The following DCC variants were observed in gnomAD, a reference collection of about 807,000 sequenced individuals.
DCC encodes DCC netrin 1 receptor, also known as netrin receptor DCC.
A neutral mutation model predicts 172.5 loss-of-function variants in DCC; 58 were observed. That is an observed-to-expected ratio of 0.34 (90% CI 0.27 to 0.42). DCC has a LOEUF of 0.42. Among genes scored for constraint, DCC ranks in the 10% least tolerant of loss-of-function variants. DCC has a pLI of 1.00. For synonymous variants in DCC, 709 were observed against 644.5 expected (o/e 1.10, Z -1.52); for missense variants, 1,740 against 1,791.0 (o/e 0.97, Z 0.51).
At chr18:53,504,374 G>T (rs531070787) in intron 27 of DCC, among the ~76,000 whole-genome samples, 1 of 152,278 alleles carries the variant, frequency 6.6e-6, no homozygotes, top group South Asian at 2.1e-4. Context: ...TTAAAGGCCA[G>T]TCAGATAGAA....
At chr18:53,253,089 CATAA>C (rs964763647) in intron 12 of DCC, among the ~76,000 whole-genome samples, 3 of 151,602 alleles carry the variant, frequency 2.0e-5, no homozygotes, top group Non-Finnish European at 2.9e-5. Context: ...CATATAGATA[CATAA>C]ATAAATATGA....
At chr18:52,509,170 A>G (rs188311532) in intron 1 of DCC, among the ~76,000 whole-genome samples, 2 of 152,350 alleles carry the variant, frequency 1.3e-5, no homozygotes, top group Non-Finnish European at 2.9e-5. Context: ...TTGAATTGAA[A>G]TGTGTTGTAA....
chr18:52,613,296 C>T (rs2034308743), intron 1 of DCC, among the ~76,000 whole-genome samples: 1 of 152,136 alleles, frequency 6.6e-6, no homozygotes, highest in South Asian at 2.1e-4. Context: ...CTCTCTGTAG[C>T]CCAGGCTGGA....
At chr18:52,958,805 T>A (rs928916535) in intron 5 of DCC, among the ~76,000 whole-genome samples, 14 of 152,096 alleles carry the variant, frequency 9.2e-5, no homozygotes, top group Non-Finnish European at 1.8e-4. Flanking sequence ...AGTTCATTTG[T>A]GGATACTCTG....
chr18:52,532,591 C>G (rs2032181690), intron 1 of DCC, among the ~76,000 whole-genome samples: 1 of 152,262 alleles, frequency 6.6e-6, no homozygotes, highest in East Asian at 1.9e-4. Flanking sequence ...AAACGTGCAT[C>G]ACCATTGACT....
chr18:52,996,781 T>C (rs2041487804), intron 5 of DCC, among the ~76,000 whole-genome samples: 1 of 149,520 alleles, frequency 6.7e-6, no homozygotes, highest in Non-Finnish European at 1.5e-5. Flanking sequence ...TCTTTTTTTT[T>C]TTTTTTTTTT....
chr18:52,924,795 A>C (rs894917903), intron 4 of DCC, among the ~76,000 whole-genome samples: 8 of 152,014 alleles, frequency 5.3e-5, no homozygotes, highest in African/African-American at 1.9e-4. Flanking sequence ...TCAGCACATC[A>C]AGGTGTGTTC....
At chr18:52,943,881 C>A (rs1241825683) in intron 5 of DCC, among the ~76,000 whole-genome samples, 1 of 152,144 alleles carries the variant, frequency 6.6e-6, no homozygotes, top group Non-Finnish European at 1.5e-5. Flanking sequence ...TCCTGAGCAG[C>A]TGGGGCCGCA....
At chr18:53,212,666 GTTTTTTTTTTTT>G (rs751064023) in intron 11 of DCC, among the ~76,000 whole-genome samples, 5 of 123,130 alleles carry the variant, frequency 4.1e-5, no homozygotes, top group African/African-American at 1.2e-4. Context: ...TTCAATTCTT[GTTTTTTTTTTTT>G]CTTTTTTTTT....
chr18:53,265,151 T>C (rs2144692520), intron 12 of DCC, among the ~76,000 whole-genome samples: 2 of 152,276 alleles, frequency 1.3e-5, no homozygotes, highest in East Asian at 3.9e-4. Flanking sequence ...TGGGAAATAA[T>C]GTGTTCTTTT....
intron 1 of DCC, among the ~76,000 whole-genome samples, chr18:52,524,080 A>G (rs1333339189): frequency 1.3e-5 from 2 of 152,224 alleles, no homozygotes; most frequent in African/African-American, 4.8e-5. Flanking sequence ...TATCTAAATA[A>G]TTATAGGCAA....
chr18:52,743,746 C>T (rs1442464224), intron 1 of DCC, among the ~76,000 whole-genome samples: 1 of 152,204 alleles, frequency 6.6e-6, no homozygotes, highest in Non-Finnish European at 1.5e-5. Flanking sequence ...TGTGTGGGCT[C>T]ACTAAGAGAT....
At chr18:52,591,778 T>A (rs1434798395) in intron 1 of DCC, among the ~76,000 whole-genome samples, 1 of 147,296 alleles carries the variant, frequency 6.8e-6, no homozygotes, top group Non-Finnish European at 1.5e-5. Flanking sequence ...TTTCTTTCTT[T>A]ATTTATTTCT....
intron 5 of DCC, among the ~76,000 whole-genome samples, chr18:53,030,599 C>T (rs1050054440): frequency 6.6e-6 from 1 of 152,078 alleles, no homozygotes; most frequent in Non-Finnish European, 1.5e-5. Flanking sequence ...TAACCAGAGG[C>T]TATGCTGTAA....
At position 53,337,991 on chromosome 18, in the gene DCC, A is replaced by T. The variant is rs563238430; in HGVS notation, c.2165-1722A>T. The stretch of plus-strand genomic sequence containing the variant: ...AACAGAATCACTTTAATAAAATTCA[A>T]ATCACTGATATTTTTGAGTACTTAT... On this transcript the variant is annotated intron_variant, in intron 14 of 28. Transcript: ENST00000442544. 3.9e-5 allele frequency among the ~76,000 whole-genome samples: 6 copies of T among 152,350 alleles called. No homozygotes were observed. The South Asian group carries it at 1.2e-3, about 32-fold the overall frequency.
intron 2 of DCC, among the ~76,000 whole-genome samples, chr18:52,871,313 G>A (rs1489650148): frequency 3.3e-5 from 5 of 151,222 alleles, no homozygotes; most frequent in African/African-American, 4.9e-5. Context: ...AGATGAGAAA[G>A]AACAGTGTCT....
chr18:52,818,459 G>T (rs1212515230), intron 2 of DCC, among the ~76,000 whole-genome samples: 12 of 148,114 alleles, frequency 8.1e-5, no homozygotes, highest in African/African-American at 5.0e-5. Context: ...AAGATGAAAA[G>T]CATATATATC....
At chr18:52,390,490 A>T (rs893506266) in intron 1 of DCC, among the ~76,000 whole-genome samples, 5 of 152,138 alleles carry the variant, frequency 3.3e-5, no homozygotes, top group Non-Finnish European at 5.9e-5. Flanking sequence ...TAATAAATTT[A>T]AAAATAAAGA....
At chr18:52,903,968 T>G (rs2039844500) in intron 2 of DCC, among the ~76,000 whole-genome samples, 1 of 152,210 alleles carries the variant, frequency 6.6e-6, no homozygotes, top group South Asian at 2.1e-4. Flanking sequence ...GGTAACTAAT[T>G]CCTTTCGTTC....
Sources: allele counts gnomAD v4.1 joint callset (sites outside exome capture counted in the v4.1 genomes callset), GRCh38; gene constraint gnomAD v4.1.1; transcripts MANE v1.5; gene names NCBI Gene and HGNC (gene_info 2026-07-23, HGNC 2026-07-21).